Variants in PRKDC observed in about 807,000 individuals in gnomAD.
PRKDC encodes the protein DNA-dependent protein kinase catalytic subunit.
A neutral mutation model predicts 486.9 loss-of-function variants in PRKDC; 82 were observed. The observed-to-expected ratio is 0.17, with a 90% CI of 0.14 to 0.20. The LOEUF is 0.20. Ranked by LOEUF, PRKDC falls within the 10% of genes least tolerant of loss-of-function variation. The probability of loss-of-function intolerance (pLI) is 1.00; values close to 1 mark genes in which losing one functional copy is unlikely to be tolerated. For missense variants in PRKDC, 4,504 were observed against 5,038.2 expected (o/e 0.89, Z 3.21); for synonymous variants, 1,895 against 1,837.0 (o/e 1.03, Z -0.81).
intron 49 of PRKDC, 135 bp from the exon 50 acceptor site, chr8:47,855,508 C>T: frequency 4.2e-6 from 4 of 943,294 alleles, no homozygotes; most frequent in Non-Finnish European, 6.1e-6. Flanking sequence ...TGTGATTTTT[C>T]AGAAACAGGT....
At chr8:47,921,471 T>C (rs1268431191) in intron 21 of PRKDC, among the ~76,000 whole-genome samples, 1 of 152,106 alleles carries the variant, frequency 6.6e-6, no homozygotes, top group East Asian at 1.9e-4. Context: ...CTAAGGAAAA[T>C]ATTAATAGAA....
At chr8:47,957,054 T>C in intron 3 of PRKDC, 117 bp downstream of exon 3, 1 of 572,168 alleles carries the variant, frequency 1.7e-6, no homozygotes, top group East Asian at 3.5e-5. Flanking sequence ...AATAAGCAAA[T>C]TCCCCAATGA....
At chr8:47,944,795 A>G (rs1292237836) in intron 7 of PRKDC, among the ~76,000 whole-genome samples, 1 of 152,222 alleles carries the variant, frequency 6.6e-6, no homozygotes, top group Non-Finnish European at 1.5e-5. Context: ...TTTTCATTGC[A>G]AGGACTGACA....
intron 35 of PRKDC, among the ~76,000 whole-genome samples, chr8:47,887,060 G>GA (rs1197463511): frequency 6.6e-6 from 1 of 152,194 alleles, no homozygotes; most frequent in Non-Finnish European, 1.5e-5. Flanking sequence ...ACAGAAGAAA[G>GA]AAAGTTGGGA....
chr8:47,938,419 A>T (rs990826677), intron 11 of PRKDC, among the ~76,000 whole-genome samples: 1 of 144,638 alleles, frequency 6.9e-6, no homozygotes, highest in Non-Finnish European at 1.5e-5. Context: ...CTCAAAAATT[A>T]AAAAAAAAAA....
At chr8:47,864,469 G>T (rs2088757415) in intron 41 of PRKDC, 87 bp downstream of exon 41, 3 of 1,194,174 alleles carry the variant, frequency 2.5e-6, no homozygotes. Flanking sequence ...AACAGCAGAG[G>T]CCATGTGACT....
At chr8:47,859,278 G>C (rs947896518) in intron 46 of PRKDC, among the ~76,000 whole-genome samples, 3 of 152,040 alleles carry the variant, frequency 2.0e-5, no homozygotes, top group Non-Finnish European at 4.4e-5. Context: ...CCCATCTATG[G>C]TCACTCCTCA....
chr8:47,874,940 A>AG (rs1402687623), intron 40 of PRKDC, among the ~76,000 whole-genome samples: 3 of 152,112 alleles, frequency 2.0e-5, no homozygotes, highest in African/African-American at 7.2e-5. Context: ...CTGTAGTCCC[A>AG]GCTACTCACG....
At chr8:47,913,287 A>C (rs1041366318) in intron 24 of PRKDC, among the ~76,000 whole-genome samples, 1 of 152,216 alleles carries the variant, frequency 6.6e-6, no homozygotes, top group Non-Finnish European at 1.5e-5. Flanking sequence ...ATCTGTTTCT[A>C]ATCTCCCAGA....
intron 72 of PRKDC, among the ~76,000 whole-genome samples, 151 bp from the exon 73 acceptor site, chr8:47,798,548 G>C (rs1348336852): frequency 1.3e-5 from 2 of 152,134 alleles, no homozygotes; most frequent in African/African-American, 4.8e-5. Flanking sequence ...ACAAACACCA[G>C]GTACAGTTTT....
In PRKDC at chr8:47,854,021, C is replaced by A. The variant is rs2088477385; in HGVS notation, c.6893+62G>T. 3 of 1,586,776 alleles carry A rather than the reference C, an allele frequency of 1.9e-6. No homozygotes were observed. In the Admixed American group the frequency reaches 5.2e-5, roughly 28 times the overall value. On this transcript the variant is annotated intron_variant, in intron 51 of 85. Transcript: ENST00000314191. Reference sequence around the variant, plus strand: ...TTAAAATTATCAAAACTGCACCATACTGAAGTCTGTCAATCCAGTTTGGGT... The same window carrying A: ...TTAAAATTATCAAAACTGCACCATAATGAAGTCTGTCAATCCAGTTTGGGT...
At chr8:47,898,436 GGGAAAAGAC>G (rs1462747847) in intron 29 of PRKDC, 25 bp downstream of exon 29, 1 of 1,488,160 alleles carries the variant, frequency 6.7e-7, no homozygotes, top group South Asian at 1.2e-5. Flanking sequence ...TTTATGTTGT[GGGAAAAGAC>G]GGAAAAGGAA....
chr8:47,953,878 C>A lies in PRKDC; in HGVS notation c.550G>T (p.Val184Phe), dbSNP rs2090663441. 1.3e-6 allele frequency: 2 copies of A among 1,564,080 alleles called. No homozygotes were observed. Among genetic ancestry groups the A allele is most frequent in the South Asian group, 2.4e-5 (2 of 85,074 alleles). The change falls in exon 6 of 86, where the codon GTT becomes TTT. Residue 184 changes from valine (V) to phenylalanine (F), a missense_variant. By Grantham distance (50) the Val-to-Phe change is conservative. This residue lies in a region of PRKDC where 1,969 missense variants were observed against 2,068.9 expected (regional missense o/e 0.95). Coordinates refer to ENST00000314191, the MANE Select transcript of PRKDC (RefSeq NM_006904.7). ...VYELLGLLGE[V>F]HPSEMINNAE... ...TTATTTATCATCTCACTAGGATGAA[C>A]TTCACCCAATAATCCTAGGAGCTCA...
intron 25 of PRKDC, among the ~76,000 whole-genome samples, chr8:47,905,575 C>A (rs2089765342): frequency 6.6e-6 from 1 of 152,206 alleles, no homozygotes; most frequent in African/African-American, 2.4e-5. Context: ...CACAGCCTAA[C>A]TGTCTCCCCT....
chr8:47,812,660 AAC>A (rs1248014237), intron 68 of PRKDC, among the ~76,000 whole-genome samples: 4 of 152,210 alleles, frequency 2.6e-5, no homozygotes, highest in Non-Finnish European at 5.9e-5. Context: ...GTATAAAATC[AAC>A]AGTTTCCACC....
intron 22 of PRKDC, among the ~76,000 whole-genome samples, chr8:47,916,438 A>T (rs1044878991): frequency 3.3e-5 from 5 of 152,048 alleles, no homozygotes; most frequent in African/African-American, 9.7e-5. Flanking sequence ...CTCAAAATAA[A>T]AAAAAAAAAA....
intron 50 of PRKDC, among the ~76,000 whole-genome samples, chr8:47,854,843 T>G (rs1056042874): frequency 4.6e-5 from 7 of 152,240 alleles, no homozygotes; most frequent in Non-Finnish European, 8.8e-5. Context: ...CCTCGTATTT[T>G]AATTATTTGC....
chr8:47,864,252 G>A (rs1363801684), intron 41 of PRKDC, among the ~76,000 whole-genome samples: 3 of 152,158 alleles, frequency 2.0e-5, no homozygotes, highest in Admixed American at 6.5e-5. Context: ...GCAGCCCCTA[G>A]GACCGCCAGG....
At chr8:47,925,017 C>T (rs189319052) in intron 21 of PRKDC, among the ~76,000 whole-genome samples, 29 of 152,198 alleles carry the variant, frequency 1.9e-4, no homozygotes, top group Non-Finnish European at 5.9e-5. Context: ...AGACAGCTGT[C>T]CCAACACGTG....
Sources: gnomAD v4.1 joint callset for allele counts (sites outside exome capture counted in the v4.1 genomes callset) on GRCh38, gnomAD v4.1.1 for gene constraint, gnomAD v4.1.1 regional missense constraint, MANE v1.5 for transcripts, NCBI Gene and HGNC (gene_info 2026-07-23, HGNC 2026-07-21) for gene names.